UTRN: variants seen among roughly 807,000 people sequenced by gnomAD.
The protein encoded by UTRN is utrophin, also known as dystrophin-related protein 1.
A neutral mutation model predicts 463.9 loss-of-function variants in UTRN; 283 were observed. The ratio of observed to expected loss-of-function variants is 0.61; its 90% CI spans 0.55 to 0.67. The LOEUF is 0.67. Among genes scored for constraint, UTRN ranks in the 30% least tolerant of loss-of-function variants. The pLI is 0.00. For missense variants in UTRN, 3,922 were observed against 4,084.3 expected (o/e 0.96, Z 1.08); for synonymous variants, 1,442 against 1,431.5 (o/e 1.01, Z -0.17).
At chr6:144,516,469 C>A in intron 38 of UTRN, 82 bp downstream of exon 38, 1 of 1,425,556 alleles carries the variant, frequency 7.0e-7, no homozygotes, top group South Asian at 1.3e-5. Context: ...GATGTTTGCC[C>A]ATATAATCTG....
At chr6:144,616,372 AAGATG>A (rs1324160219) in intron 51 of UTRN, among the ~76,000 whole-genome samples, 2 of 152,180 alleles carry the variant, frequency 1.3e-5, no homozygotes, top group African/African-American at 4.8e-5. Context: ...ATGTATAATA[AAGATG>A]AGAGAAATAA....
At chr6:144,501,214 G>A (rs1401174001) in intron 34 of UTRN, among the ~76,000 whole-genome samples, 1 of 152,206 alleles carries the variant, frequency 6.6e-6, no homozygotes, top group Non-Finnish European at 1.5e-5. Context: ...AGGGAAATGA[G>A]CATTGCAAGT....
rs1224106641 is a variant in UTRN at position 144,333,980 on chromosome 6, T to C, written c.79+42073T>C. ...AGTCACTAGGTATTAAAAAAGTACA[T>C]TGATGATCGATGCTAAGATTATTTT... is the stretch of plus-strand genomic sequence containing the variant. On this transcript the variant is annotated intron_variant, in intron 2 of 74. Coordinates refer to ENST00000367545, the MANE Select transcript of UTRN (RefSeq NM_007124.3). Among the ~76,000 whole-genome samples the C allele has an allele frequency of 2.0e-5, 3 of 152,190 alleles. No individual in the cohort carries two copies. The East Asian group carries it at 5.8e-4, about 29-fold the overall frequency.
rs543048359 is a variant in UTRN at position 144,495,641 on chromosome 6, C to T, written c.4593+2185C>T. On this transcript the variant is annotated intron_variant, in intron 33 of 74. Transcript: ENST00000367545. ...CCTCAAGTGCTGCCAAAGTGGGAGCCCAGGCAGAGGAGGCGCCGAGAGCGA... is the reference window on the plus strand; with the variant it reads ...CCTCAAGTGCTGCCAAAGTGGGAGCTCAGGCAGAGGAGGCGCCGAGAGCGA... Among the ~76,000 whole-genome samples, 216 of 152,318 alleles carry T rather than the reference C, an allele frequency of 1.4e-3. 2 individuals carry two copies. The highest frequency in any genetic ancestry group is 4.9e-3 in the African/African-American group (202 of 41,574).
chr6:144,466,185 A>G (rs1789944606), intron 23 of UTRN, among the ~76,000 whole-genome samples: 1 of 152,250 alleles, frequency 6.6e-6, no homozygotes, highest in Non-Finnish European at 1.5e-5. Context: ...CATAGTCCAG[A>G]TAGAGTTTGG....
At chr6:144,365,857 C>T (rs1330714962) in intron 2 of UTRN, among the ~76,000 whole-genome samples, 2 of 152,200 alleles carry the variant, frequency 1.3e-5, no homozygotes, top group Admixed American at 6.5e-5. Flanking sequence ...CCTGCTTCGG[C>T]CTCCTGCATA....
At chr6:144,660,038 G>C (rs1779711063) in intron 51 of UTRN, 1 of 351,336 alleles carries the variant, frequency 2.8e-6, no homozygotes. Flanking sequence ...CCCACAGTGG[G>C]GTGGCTAAAA....
At chr6:144,468,130 G>A (rs2128565046) in intron 23 of UTRN, among the ~76,000 whole-genome samples, 1 of 152,156 alleles carries the variant, frequency 6.6e-6, no homozygotes, top group East Asian at 1.9e-4. Context: ...CAAGTCTCCA[G>A]AGGTAGTTGT....
At chr6:144,496,754 A>G (rs1793685059) in intron 33 of UTRN, among the ~76,000 whole-genome samples, 1 of 152,224 alleles carries the variant, frequency 6.6e-6, no homozygotes, top group African/African-American at 2.4e-5. Flanking sequence ...AAGAATGTAC[A>G]TGGTTCTTTA....
chr6:144,335,506 G>A (rs12663380), intron 2 of UTRN, among the ~76,000 whole-genome samples: 3,510 of 152,204 alleles, frequency 0.023, 123 homozygotes, highest in East Asian at 0.14. Flanking sequence ...ACCTGCCTCC[G>A]TAGTTGAACC....
At chr6:144,361,400 C>G (rs1230544553) in intron 2 of UTRN, among the ~76,000 whole-genome samples, 1 of 152,030 alleles carries the variant, frequency 6.6e-6, no homozygotes, top group Non-Finnish European at 1.5e-5. Flanking sequence ...GCTTGGCAGG[C>G]AGGGAAATAT....
At chr6:144,424,297 C>T (rs1174435927) in intron 6 of UTRN, among the ~76,000 whole-genome samples, 2 of 152,150 alleles carry the variant, frequency 1.3e-5, no homozygotes, top group Admixed American at 6.5e-5. Flanking sequence ...AGGCCTTGCC[C>T]CCAAATTCTG....
intron 2 of UTRN, chr6:144,343,953 T>C (rs1777349930): frequency 4.2e-6 from 1 of 239,684 alleles, no homozygotes; most frequent in Non-Finnish European, 8.3e-6. Flanking sequence ...ATAGAGGCCC[T>C]TAGTTGTGAC....
intron 56 of UTRN, among the ~76,000 whole-genome samples, chr6:144,752,269 GA>G (rs1176637258): frequency 6.6e-6 from 1 of 151,942 alleles, no homozygotes; most frequent in African/African-American, 2.4e-5. Context: ...GCTAATAAAG[GA>G]GTCATTTTTC....
intron 2 of UTRN, among the ~76,000 whole-genome samples, chr6:144,356,065 A>G (rs1179160618): frequency 6.6e-6 from 1 of 152,232 alleles, no homozygotes; most frequent in Non-Finnish European, 1.5e-5. Flanking sequence ...TTCAGTTGTC[A>G]TTAGCCTTCT....
intron 39 of UTRN, among the ~76,000 whole-genome samples, chr6:144,520,064 T>G (rs907074756): frequency 6.6e-6 from 1 of 152,224 alleles, no homozygotes; most frequent in Admixed American, 6.5e-5. Flanking sequence ...ATGTCTGGAG[T>G]TTTTTGGTCT....
chr6:144,824,545 T>C (rs1269794896), intron 66 of UTRN, among the ~76,000 whole-genome samples: 1 of 113,558 alleles, frequency 8.8e-6, no homozygotes, highest in Non-Finnish European at 1.8e-5. Flanking sequence ...ATAATACATA[T>C]GTATATATAT....
At chr6:144,836,759 C>T in intron 71 of UTRN, 1 of 685,170 alleles carries the variant, frequency 1.5e-6, no homozygotes, top group Non-Finnish European at 2.3e-6. Context: ...ATGGAATTTC[C>T]CAGTCTTCTT....
At chr6:144,835,351 T>C (rs1470856915) in intron 69 of UTRN, among the ~76,000 whole-genome samples, 2 of 152,242 alleles carry the variant, frequency 1.3e-5, no homozygotes, top group African/African-American at 4.8e-5. Flanking sequence ...CCTTGTCATA[T>C]GGGTTACAAA....
Sources: gnomAD v4.1 joint callset for allele counts (sites outside exome capture counted in the v4.1 genomes callset) on GRCh38, gnomAD v4.1.1 for gene constraint, MANE v1.5 for transcripts, NCBI Gene and HGNC (gene_info 2026-07-23, HGNC 2026-07-21) for gene names.